Variants in FAF1 observed in about 807,000 individuals in gnomAD.
FAF1 encodes FAS-associated factor 1.
In FAF1, 25 loss-of-function variants were observed where a neutral mutation model predicts 92.5. That is an observed-to-expected ratio of 0.27 (90% CI 0.20 to 0.38). The LOEUF (loss-of-function observed/expected upper bound fraction) is 0.38. Ranked by LOEUF, FAF1 falls within the 10% of genes least tolerant of loss-of-function variation. The probability of loss-of-function intolerance (pLI) is 1.00; values close to 1 mark genes in which losing one functional copy is unlikely to be tolerated. For synonymous variants in FAF1, 234 were observed against 273.2 expected (o/e 0.86, Z 1.42); for missense variants, 636 against 793.3 (o/e 0.80, Z 2.38).
At chr1:50,469,811 G>A (rs547113394) in intron 18 of FAF1, among the ~76,000 whole-genome samples, 3 of 152,134 alleles carry the variant, frequency 2.0e-5, no homozygotes, top group African/African-American at 7.2e-5. Context: ...TTAATGTTGC[G>A]ACCATCTAGA....
intron 17 of FAF1, among the ~76,000 whole-genome samples, chr1:50,486,781 TTAAC>T (rs1646774589): frequency 6.6e-6 from 1 of 152,130 alleles, no homozygotes; most frequent in Admixed American, 6.6e-5. Context: ...CAGAAGGAGA[TTAAC>T]TAAATATTTG....
At chr1:50,866,613 A>T (rs1222963694) in intron 1 of FAF1, among the ~76,000 whole-genome samples, 1 of 152,078 alleles carries the variant, frequency 6.6e-6, no homozygotes, top group Non-Finnish European at 1.5e-5. Flanking sequence ...AAAAAACAAA[A>T]AACCTTAGGA....
At chr1:50,675,326 C>T (rs1397877472) in intron 7 of FAF1, among the ~76,000 whole-genome samples, 1 of 152,218 alleles carries the variant, frequency 6.6e-6, no homozygotes, top group Admixed American at 6.5e-5. Context: ...ACTAGAGCAG[C>T]AGTCGAAAAT....
At chr1:50,779,984 A>G (rs949067198) in intron 4 of FAF1, among the ~76,000 whole-genome samples, 5 of 123,548 alleles carry the variant, frequency 4.0e-5, no homozygotes, top group Admixed American at 3.0e-4. Context: ...ACATGCACAG[A>G]CAGACAGACA....
intron 1 of FAF1, among the ~76,000 whole-genome samples, chr1:50,925,234 T>C (rs549463963): frequency 1.3e-5 from 2 of 152,186 alleles, no homozygotes; most frequent in East Asian, 3.9e-4. Context: ...ATTAAAGACT[T>C]AAATGTAAGA....
intron 15 of FAF1, among the ~76,000 whole-genome samples, chr1:50,533,596 G>C (rs944651852): frequency 4.0e-5 from 6 of 151,882 alleles, no homozygotes; most frequent in African/African-American, 1.5e-4. Context: ...AATAGTTCAG[G>C]GCTATATTAA....
intron 13 of FAF1, among the ~76,000 whole-genome samples, chr1:50,544,734 A>C (rs1557988875): frequency 6.6e-6 from 1 of 152,190 alleles, no homozygotes; most frequent in Non-Finnish European, 1.5e-5. Context: ...ATGGAGGGAA[A>C]ACAAAGCAGG....
At chr1:50,904,126 G>C (rs1644817195) in intron 1 of FAF1, among the ~76,000 whole-genome samples, 1 of 152,114 alleles carries the variant, frequency 6.6e-6, no homozygotes, top group Non-Finnish European at 1.5e-5. Flanking sequence ...CAACCTAAAT[G>C]TCCATTGATA....
chr1:50,822,342 A>G (rs1413909272), intron 2 of FAF1, among the ~76,000 whole-genome samples: 1 of 152,212 alleles, frequency 6.6e-6, no homozygotes, highest in Non-Finnish European at 1.5e-5. Context: ...CCTAAAACTA[A>G]TGGTACCTTA....
At chr1:50,506,040 T>C (rs1056852310) in intron 15 of FAF1, among the ~76,000 whole-genome samples, 3 of 152,200 alleles carry the variant, frequency 2.0e-5, no homozygotes, top group Non-Finnish European at 4.4e-5. Context: ...CATGTGCCAA[T>C]AGTAGAAAGT....
chr1:50,692,091 C>T (rs1011259918), intron 7 of FAF1, among the ~76,000 whole-genome samples: 25 of 152,160 alleles, frequency 1.6e-4, no homozygotes, highest in Admixed American at 1.6e-3. Flanking sequence ...TGGCACGTAC[C>T]TGTAGTCCCA....
At chr1:50,862,743 T>C (rs1321496536) in intron 1 of FAF1, among the ~76,000 whole-genome samples, 1 of 151,736 alleles carries the variant, frequency 6.6e-6, no homozygotes, top group Non-Finnish European at 1.5e-5. Context: ...GTAGCTATTC[T>C]TATATGAGAA....
At position 50,461,893 on chromosome 1, in the gene FAF1, GA is replaced by G. The variant is rs1024580848; in HGVS notation, c.1869+13570del. 8.1e-5 allele frequency among the ~76,000 whole-genome samples: 10 copies of G among 123,524 alleles called. No homozygotes were observed. In the South Asian group the frequency reaches 9.9e-4, roughly 12 times the overall value. The allele number at this position is 123,524 out of a possible 152,430, so 81.0% of individuals were successfully genotyped here. A position where few individuals can be genotyped will look rare whatever the true frequency, so the allele number is the denominator to read the frequency against. ...AAACCAAAACACTGAAAAAAAAAAAGAAAAAAAAAAGAGGAAGGAGGGAATG... is the reference window on the plus strand; with the variant it reads ...AAACCAAAACACTGAAAAAAAAAAAGAAAAAAAAAGAGGAAGGAGGGAATG... On this transcript the variant is annotated intron_variant, in intron 18 of 18. Coordinates refer to ENST00000396153, the MANE Select transcript of FAF1 (RefSeq NM_007051.3).
At chr1:50,785,730 T>C (rs72690490) in intron 4 of FAF1, among the ~76,000 whole-genome samples, 2,077 of 152,288 alleles carry the variant, frequency 0.014, 22 homozygotes, top group Middle Eastern at 0.02. Flanking sequence ...GGAAACAGTA[T>C]GGAAGTTCCT....
intron 1 of FAF1, among the ~76,000 whole-genome samples, chr1:50,894,501 T>C (rs1447560202): frequency 2.0e-5 from 3 of 151,942 alleles, no homozygotes; most frequent in Non-Finnish European, 4.4e-5. Flanking sequence ...TCTACCCCTG[T>C]GGCCAAGCTG....
intron 2 of FAF1, among the ~76,000 whole-genome samples, chr1:50,810,112 A>G (rs1181836547): frequency 3.9e-5 from 6 of 152,110 alleles, no homozygotes; most frequent in Non-Finnish European, 4.4e-5. Context: ...AAAATTAGCC[A>G]GGAGTGGTGG....
At chr1:50,883,608 T>C (rs1426888857) in intron 1 of FAF1, among the ~76,000 whole-genome samples, 2 of 152,122 alleles carry the variant, frequency 1.3e-5, no homozygotes, top group Admixed American at 1.3e-4. Flanking sequence ...CACAAGTTAA[T>C]GTTATTCCCT....
In FAF1 at chr1:50,491,821, A is replaced by G; in HGVS notation, c.1495-20T>C. 1.9e-6 allele frequency: 3 copies of G among 1,583,384 alleles called. No homozygotes were observed. Among genetic ancestry groups the G allele is most frequent in the Non-Finnish European group, 2.6e-6 (3 of 1,165,352 alleles). On this transcript the variant is annotated intron_variant, in intron 15 of 18. Coordinates refer to ENST00000396153, the MANE Select transcript of FAF1 (RefSeq NM_007051.3). The stretch of plus-strand genomic sequence containing the variant: ...TTCATCCTTAAAGAAAAAGATTCAA[A>G]TATTTTTTGACATATAACTTTTTTT...
intron 2 of FAF1, among the ~76,000 whole-genome samples, chr1:50,811,240 G>A (rs1160622933): frequency 6.6e-6 from 1 of 152,180 alleles, no homozygotes; most frequent in Non-Finnish European, 1.5e-5. Context: ...TCAGGAGACT[G>A]ACATGGGAAG....
Sources: allele counts gnomAD v4.1 joint callset (sites outside exome capture counted in the v4.1 genomes callset), GRCh38; gene constraint gnomAD v4.1.1; transcripts MANE v1.5; gene names NCBI Gene and HGNC (gene_info 2026-07-23, HGNC 2026-07-21).